ARHGAP15: variants seen among roughly 807,000 people sequenced by gnomAD.
ARHGAP15 encodes the protein Rho GTPase activating protein 15.
Under a neutral mutation model 63.7 loss-of-function variants are expected in ARHGAP15, and 51 were observed. The observed-to-expected ratio is 0.80, with a 90% confidence interval of 0.64 to 1.01. ARHGAP15 has a LOEUF of 1.01. Ranked by LOEUF, ARHGAP15 falls within the 50% of genes least tolerant of loss-of-function variation. The pLI is 0.00. For synonymous variants in ARHGAP15, 191 were observed against 193.8 expected (o/e 0.99, Z 0.12); for missense variants, 560 against 564.6 (o/e 0.99, Z 0.08).
chr2:143,173,437 A>G (rs190883112), intron 2 of ARHGAP15, among the ~76,000 whole-genome samples: 10 of 152,252 alleles, frequency 6.6e-5, no homozygotes, highest in Non-Finnish European at 1.5e-4. Context: ...CCATAAACAT[A>G]TCAATCCTGG....
At chr2:143,299,266 G>T (rs1247552676) in intron 6 of ARHGAP15, among the ~76,000 whole-genome samples, 1 of 151,944 alleles carries the variant, frequency 6.6e-6, no homozygotes, top group African/African-American at 2.4e-5. Flanking sequence ...TGTAAGTCTA[G>T]AGAGACAGAG....
intron 13 of ARHGAP15, among the ~76,000 whole-genome samples, chr2:143,753,001 C>T (rs748283729): frequency 2.6e-5 from 4 of 152,028 alleles, no homozygotes; most frequent in Admixed American, 6.6e-5. Context: ...TTTAATTAGC[C>T]GGGCATGGTG....
At chr2:143,434,803 C>T (rs184203390) in intron 6 of ARHGAP15, among the ~76,000 whole-genome samples, 10 of 152,138 alleles carry the variant, frequency 6.6e-5, no homozygotes, top group East Asian at 1.9e-4. Flanking sequence ...CTAAGTTGCC[C>T]GTTATGTGTG....
At chr2:143,539,112 G>T (rs1288957181) in intron 10 of ARHGAP15, among the ~76,000 whole-genome samples, 1 of 152,198 alleles carries the variant, frequency 6.6e-6, no homozygotes, top group Admixed American at 6.5e-5. Flanking sequence ...TCTTGGGAGG[G>T]TGTATGTGTT....
chr2:143,571,892 A>G (rs1696473386), intron 11 of ARHGAP15: 1 of 152,234 alleles, frequency 6.6e-6, no homozygotes, highest in African/African-American at 2.4e-5. Flanking sequence ...CCAGCAGAAC[A>G]GTCTTTCAGA....
At chr2:143,737,577 AATG>A (rs1409489358) in intron 13 of ARHGAP15, among the ~76,000 whole-genome samples, 2 of 152,196 alleles carry the variant, frequency 1.3e-5, no homozygotes, top group Non-Finnish European at 2.9e-5. Context: ...CGCACGTGAA[AATG>A]ATACTATCAA....
chr2:143,303,309 CA>C (rs1288593410), intron 6 of ARHGAP15, among the ~76,000 whole-genome samples: 73 of 151,928 alleles, frequency 4.8e-4, no homozygotes, highest in Non-Finnish European at 1.0e-4. Flanking sequence ...CTTAAATTTA[CA>C]AGAAAAAACC....
At chr2:143,249,043 CAA>C (rs1679995089) in intron 5 of ARHGAP15, among the ~76,000 whole-genome samples, 1 of 152,120 alleles carries the variant, frequency 6.6e-6, no homozygotes, top group Non-Finnish European at 1.5e-5. Flanking sequence ...AATCACTTGA[CAA>C]AGACTATCAT....
intron 12 of ARHGAP15, among the ~76,000 whole-genome samples, chr2:143,697,537 T>C (rs1683905151): frequency 6.6e-6 from 1 of 152,228 alleles, no homozygotes; most frequent in Admixed American, 6.5e-5. Flanking sequence ...AACCCAGTCT[T>C]TTCCAGATTC....
intron 6 of ARHGAP15, among the ~76,000 whole-genome samples, chr2:143,302,139 T>C (rs1682933909): frequency 6.6e-6 from 1 of 151,996 alleles, no homozygotes; most frequent in Non-Finnish European, 1.5e-5. Context: ...CTCTTTTACA[T>C]AGGCATGTTG....
intron 6 of ARHGAP15, among the ~76,000 whole-genome samples, chr2:143,387,852 C>T (rs541306889): frequency 8.6e-5 from 13 of 151,224 alleles, no homozygotes; most frequent in African/African-American, 1.9e-4. Flanking sequence ...CACACACACA[C>T]GCATGGACGC....
chr2:143,672,111 G>C (rs1166870518), intron 12 of ARHGAP15, among the ~76,000 whole-genome samples: 3 of 152,114 alleles, frequency 2.0e-5, no homozygotes, highest in Non-Finnish European at 4.4e-5. Context: ...TTAATAAAAA[G>C]AATATTTTAC....
chr2:143,751,148 A>T (rs1326779118), intron 13 of ARHGAP15, among the ~76,000 whole-genome samples: 1 of 152,206 alleles, frequency 6.6e-6, no homozygotes, highest in Admixed American at 6.5e-5. Context: ...GAGAAGTCAA[A>T]CTATGACATT....
chr2:143,268,552 T>C (rs1251682517), intron 6 of ARHGAP15, among the ~76,000 whole-genome samples: 3 of 152,090 alleles, frequency 2.0e-5, no homozygotes, highest in Non-Finnish European at 2.9e-5. Flanking sequence ...TTAGAACAAA[T>C]AGGAAAGTCA....
rs371579129 is a variant in ARHGAP15, at chr2:143,181,946, A to ATTT, written c.166-20176_166-20174dup. On this transcript the variant is annotated intron_variant, in intron 2 of 13. Transcript: ENST00000295095. ...TAAACTTAATAATTTCTAGCTTTTG[A>ATTT]TTTTTTTTTTTTTTGAGACAGAATC... Among the ~76,000 whole-genome samples, 1,201 of 145,274 alleles carry ATTT rather than the reference A, an allele frequency of 8.3e-3. 5 individuals are homozygous for ATTT. The highest frequency in any genetic ancestry group is 0.036 in the Middle Eastern group (10 of 280).
At chr2:143,413,966 T>TGTGTGTGCAC in intron 6 of ARHGAP15, among the ~76,000 whole-genome samples, 2 of 117,910 alleles carry the variant, frequency 1.7e-5, no homozygotes, top group African/African-American at 7.1e-5. Flanking sequence ...TGTGTGTGTG[T>TGTGTGTGCAC]GCGCGCTCTC....
rs113997093 is a variant in ARHGAP15 at position 143,165,212 on chromosome 2, A to T, written c.165+9557A>T. Among the ~76,000 whole-genome samples the T allele has an allele frequency of 5.9e-5, 9 of 152,102 alleles. No homozygotes were observed. The East Asian group carries it at 1.7e-3, about 29-fold the overall frequency. ...AGTACCTTTCCACAGTACCATAAAC[A>T]TAAATGACCAAAGTACTGATCTCTT... On this transcript the variant is annotated intron_variant, in intron 2 of 13. Coordinates refer to ENST00000295095, the MANE Select transcript of ARHGAP15 (RefSeq NM_018460.4).
At chr2:143,185,238 T>C (rs1691394678) in intron 2 of ARHGAP15, among the ~76,000 whole-genome samples, 1 of 152,320 alleles carries the variant, frequency 6.6e-6, no homozygotes, top group Non-Finnish European at 1.5e-5. Context: ...ACTAGAATGG[T>C]GTGGATATGG....
intron 6 of ARHGAP15, among the ~76,000 whole-genome samples, chr2:143,427,711 T>C (rs78621719): frequency 6.5e-4 from 99 of 152,206 alleles, no homozygotes; most frequent in Non-Finnish European, 1.2e-3. Flanking sequence ...ACTTGCTGAC[T>C]GCTGGGAAAA....
Sources: allele counts gnomAD v4.1 joint callset (sites outside exome capture counted in the v4.1 genomes callset), GRCh38; gene constraint gnomAD v4.1.1; transcripts MANE v1.5; gene names NCBI Gene and HGNC (gene_info 2026-07-23, HGNC 2026-07-21).